Variants in SATB2 observed in about 807,000 individuals in gnomAD.
The protein encoded by SATB2 is DNA-binding protein SATB2.
Under a neutral mutation model 73.4 loss-of-function variants are expected in SATB2, and 1 was observed. That is an observed-to-expected ratio of 0.01 (90% CI 0.00 to 0.06). The LOEUF is 0.06. Ranked by LOEUF, SATB2 falls within the 10% of genes least tolerant of loss-of-function variation. The pLI is 1.00. For synonymous variants in SATB2, 397 were observed against 367.0 expected (o/e 1.08, Z -0.93); for missense variants, 459 against 945.8 (o/e 0.49, Z 6.75).
chr2:199,393,801 T>A (rs1004218687), intron 3 of SATB2, among the ~76,000 whole-genome samples: 1 of 152,174 alleles, frequency 6.6e-6, no homozygotes, highest in Admixed American at 6.5e-5. Flanking sequence ...TTTTAAAATT[T>A]CAAAGTATAG....
In SATB2 at chr2:199,272,123, C is replaced by A; in HGVS notation, c.*88G>T. On this transcript the variant is annotated 3_prime_UTR_variant, in exon 11 of 11. Transcript: ENST00000417098. This position sits in a 1 kb window ranked among gnomAD's most constrained non-coding sequence, Gnocchi z 6.7. ...AGCCAAAAAAACCCAAAAACAAAAA[C>A]AAAAAACAAACTAACAAAAAACTTT... 3 of 1,381,540 alleles carry A rather than the reference C, an allele frequency of 2.2e-6. No individual in the cohort carries two copies. Among genetic ancestry groups the A allele is most frequent in the Non-Finnish European group, 3.1e-6 (3 of 980,032 alleles). The allele number at this position is 1,381,540 out of a possible 1,614,324, so 85.6% of individuals were successfully genotyped here. A position where few individuals can be genotyped will look rare whatever the true frequency, so the allele number is the denominator to read the frequency against.
chr2:199,434,754 G>A (rs1691603996), intron 2 of SATB2, among the ~76,000 whole-genome samples: 2 of 152,070 alleles, frequency 1.3e-5, no homozygotes, highest in South Asian at 2.1e-4. Context: ...ATGCATAGGA[G>A]TTTTCCAGAA....
At chr2:199,467,082 G>T (rs565339070), upstream of SATB2, among the ~76,000 whole-genome samples, 1 of 152,388 alleles carries the variant, frequency 6.6e-6, no homozygotes, top group East Asian at 1.9e-4. Context: ...CAGCCTCACT[G>T]GAACTGGGCA....
At position 199,464,912 on chromosome 2, in the gene SATB2, G is replaced by C. The variant is rs985808684; in HGVS notation, c.-217C>G. 2 of 152,262 alleles carry C rather than the reference G, an allele frequency of 1.3e-5. No homozygotes were observed. Among genetic ancestry groups the C allele is most frequent in the Non-Finnish European group, 2.9e-5 (2 of 68,060 alleles). 9.4% of individuals were successfully genotyped at this position (152,262 alleles called of 1,614,324 possible). On this transcript the variant is annotated 5_prime_UTR_variant, in exon 1 of 12. Transcript: ENST00000260926. The surrounding 1 kb of genome is among the most constrained non-coding windows in gnomAD (Gnocchi z 6.6). ...GCTGTGGGTCGGCGCAGGGACGCTGGCTGCTCACCTCCAGGAGCCGACAGA... is the reference window on the plus strand; with the variant it reads ...GCTGTGGGTCGGCGCAGGGACGCTGCCTGCTCACCTCCAGGAGCCGACAGA...
chr2:199,413,427 C>A (rs1239084281), intron 3 of SATB2, among the ~76,000 whole-genome samples: 1 of 152,154 alleles, frequency 6.6e-6, no homozygotes, highest in African/African-American at 2.4e-5. Context: ...ATTATTTTCT[C>A]TGAATCTAAT....
At chr2:199,342,125 T>G (rs1375287327) in intron 7 of SATB2, among the ~76,000 whole-genome samples, 1 of 152,054 alleles carries the variant, frequency 6.6e-6, no homozygotes, top group Non-Finnish European at 1.5e-5. Context: ...CGGAAAAGCC[T>G]AACAGCAGAC....
chr2:199,416,600 A>T (rs1690994054), intron 3 of SATB2, among the ~76,000 whole-genome samples: 1 of 152,204 alleles, frequency 6.6e-6, no homozygotes, highest in African/African-American at 2.4e-5. Flanking sequence ...AGGGAGAGAA[A>T]CAGTAAAGTA....
intron 9 of SATB2, among the ~76,000 whole-genome samples, chr2:199,313,325 G>A (rs1402958720): frequency 6.6e-6 from 1 of 152,100 alleles, no homozygotes; most frequent in East Asian, 1.9e-4. Context: ...TATACATGGA[G>A]CCTAAGTGTA....
At chr2:199,282,740 A>T (rs1048685555) in intron 10 of SATB2, among the ~76,000 whole-genome samples, 1 of 152,240 alleles carries the variant, frequency 6.6e-6, no homozygotes, top group African/African-American at 2.4e-5. Context: ...CAACATGCTT[A>T]TTATAAAAGC....
At chr2:199,365,068 C>A (rs1689243225) in intron 6 of SATB2, among the ~76,000 whole-genome samples, 1 of 151,732 alleles carries the variant, frequency 6.6e-6, no homozygotes, top group Non-Finnish European at 1.5e-5. Flanking sequence ...TTGGGTAAAT[C>A]CCTCATAATC....
At chr2:199,318,362 T>C (rs1433096669) in intron 9 of SATB2, among the ~76,000 whole-genome samples, 3 of 152,094 alleles carry the variant, frequency 2.0e-5, no homozygotes, top group Non-Finnish European at 2.9e-5. Flanking sequence ...CTTTGATCTT[T>C]GTGCAACATT....
rs114065276 is a variant in SATB2 at position 199,349,293 on chromosome 2, C to T, written c.701-120G>A. ...TTAATAATATAAACATTTTTTCATA[C>T]AACGATGGAAGCTCCAGCATAAAAG... On this transcript the variant is annotated intron_variant, in intron 6 of 10. Transcript: ENST00000417098. 3.3e-3 allele frequency: 2,581 copies of T among 773,900 alleles called. 46 individuals carry two copies. In the African/African-American group the frequency reaches 0.038, roughly 11 times the overall value. 47.9% of individuals were successfully genotyped at this position (773,900 alleles called of 1,614,324 possible).
chr2:199,279,235 T>C (rs545099201), intron 10 of SATB2, among the ~76,000 whole-genome samples: 7 of 152,194 alleles, frequency 4.6e-5, no homozygotes, highest in Non-Finnish European at 8.8e-5. Flanking sequence ...AATTATAATA[T>C]GGACACATGT....
intron 6 of SATB2, among the ~76,000 whole-genome samples, chr2:199,367,243 C>T (rs1689313145): frequency 6.6e-6 from 1 of 152,114 alleles, no homozygotes; most frequent in African/African-American, 2.4e-5. Flanking sequence ...TCTTATATTG[C>T]ACAAGGGTGA....
At position 199,269,665 on chromosome 2, in the gene SATB2, G is replaced by A. The variant is rs1036914097; in HGVS notation, c.*2546C>T. On this transcript the variant is annotated 3_prime_UTR_variant, in exon 11 of 11. Transcript: ENST00000417098. Reference sequence around the variant, plus strand: ...AATCCTTATTCACATTGTTGATACCGCAATAAAACACAATTTGTTTTTTTC... The same window carrying A: ...AATCCTTATTCACATTGTTGATACCACAATAAAACACAATTTGTTTTTTTC... 2.2e-5 allele frequency: 3 copies of A among 136,886 alleles called. No homozygotes were observed. Among genetic ancestry groups the A allele is most frequent in the Non-Finnish European group, 3.1e-5 (2 of 64,590 alleles). 8.5% of individuals were successfully genotyped at this position (136,886 alleles called of 1,614,324 possible).
At chr2:199,273,567 T>C (rs750843886) in intron 10 of SATB2, among the ~76,000 whole-genome samples, 3 of 152,232 alleles carry the variant, frequency 2.0e-5, no homozygotes, top group Non-Finnish European at 4.4e-5. Context: ...ATTTTAAATG[T>C]ATTTTTTAGA....
In SATB2 at chr2:199,455,523, C is replaced by T. The variant is rs1191601853; in HGVS notation, c.169+346G>A. On this transcript the variant is annotated intron_variant, in intron 2 of 10. Transcript: ENST00000417098. This position sits in a 1 kb window ranked among gnomAD's most constrained non-coding sequence, Gnocchi z 4.1. The stretch of plus-strand genomic sequence containing the variant: ...AAAAGCGAACGCACGTGAACTTCAT[C>T]CCTACAACAGACACTCCGAGGCAAG... Among the ~76,000 whole-genome samples, 1 of 152,238 alleles carries T rather than the reference C, an allele frequency of 6.6e-6. No homozygotes were observed. The highest frequency in any genetic ancestry group is 1.5e-5 in the Non-Finnish European group (1 of 68,044).
At chr2:199,321,354 T>C (rs1028300281) in intron 9 of SATB2, among the ~76,000 whole-genome samples, 1 of 151,254 alleles carries the variant, frequency 6.6e-6, no homozygotes, top group Non-Finnish European at 1.5e-5. Context: ...TGTCTATGTA[T>C]AGATATATAT....
chr2:199,299,212 CTTA>C (rs1559149148), intron 10 of SATB2, among the ~76,000 whole-genome samples: 1 of 152,172 alleles, frequency 6.6e-6, no homozygotes, highest in Non-Finnish European at 1.5e-5. Context: ...AGTGGACACA[CTTA>C]TTATCTATCT....
Sources: gnomAD v4.1 joint callset for allele counts (sites outside exome capture counted in the v4.1 genomes callset) on GRCh38, gnomAD v4.1.1 for gene constraint, Gnocchi (gnomAD v3.1) non-coding constraint, MANE v1.5 for transcripts, NCBI Gene and HGNC (gene_info 2026-07-23, HGNC 2026-07-21) for gene names.